Variants in DNAJC13 observed in about 807,000 individuals in gnomAD.
The protein encoded by DNAJC13 is dnaJ homolog subfamily C member 13.
A neutral mutation model predicts 290.5 loss-of-function variants in DNAJC13; 75 were observed. That is an observed-to-expected ratio of 0.26 (90% CI 0.21 to 0.31). DNAJC13 has a LOEUF of 0.31. Among genes scored for constraint, DNAJC13 ranks in the 10% least tolerant of loss-of-function variants. DNAJC13 has a pLI of 1.00. For missense variants in DNAJC13, 2,260 were observed against 2,674.5 expected, an observed-to-expected ratio of 0.85 and a Z score of 3.42; for synonymous variants, 862 against 892.0, an observed-to-expected ratio of 0.97 and a Z score of 0.60.
intron 55 of DNAJC13, among the ~76,000 whole-genome samples, chr3:132,532,638 G>A (rs1385745486): frequency 6.6e-6 from 1 of 151,836 alleles, no homozygotes; most frequent in African/African-American, 2.4e-5. Context: ...TACCTCTTTA[G>A]CCTATGTCCA....
At chr3:132,467,029 A>T in intron 19 of DNAJC13, 141 bp from the exon 20 acceptor site, 1 of 926,130 alleles carries the variant, frequency 1.1e-6, no homozygotes, top group Non-Finnish European at 1.5e-6. Context: ...GTATAATTGT[A>T]GAAGTTTTCA....
chr3:132,502,585 A>T (rs1935453974), intron 40 of DNAJC13, 117 bp downstream of exon 40: 1 of 1,004,000 alleles, frequency 1.0e-6, no homozygotes, highest in Admixed American at 3.3e-5. Flanking sequence ...TTTCAGGAAA[A>T]TTAGGTTTTT....
rs777065726 is a variant in DNAJC13, at chr3:132,499,328, TTG to T, written c.4341+21_4341+22del. ...GACTAGAGGTAATACGGAGTGACCT[TTG>T]TGCTTTTTAAGCCAGTTTACACACA... On this transcript the variant is annotated intron_variant, in intron 37 of 55. Transcript: ENST00000260818. 1 of 1,559,394 alleles carries T rather than the reference TTG, an allele frequency of 6.4e-7. No homozygotes were observed. Among genetic ancestry groups the T allele is most frequent in the Non-Finnish European group, 8.7e-7 (1 of 1,150,910 alleles).
At chr3:132,427,075 ATGTGTG>A (rs10576541) in intron 1 of DNAJC13, among the ~76,000 whole-genome samples, 16,810 of 140,714 alleles carry the variant, frequency 0.12, 1,053 homozygotes, top group South Asian at 0.19. Flanking sequence ...ATATATACAT[ATGTGTG>A]TGTGTGTGTG....
chr3:132,507,223 C>T lies in DNAJC13; in HGVS notation c.4999-14C>T. 6.6e-7 allele frequency: 1 copy of T among 1,508,960 alleles called. No individual in the cohort carries two copies. The highest frequency in any genetic ancestry group is 9.2e-7 in the Non-Finnish European group (1 of 1,088,942). 93.5% of individuals were successfully genotyped at this position (1,508,960 alleles called of 1,614,324 possible). A position where few individuals can be genotyped will look rare whatever the true frequency, so the allele number is the denominator to read the frequency against. On this transcript the variant is annotated splice_polypyrimidine_tract_variant and intron_variant, in intron 42 of 55. Coordinates refer to ENST00000260818, the MANE Select transcript of DNAJC13 (RefSeq NM_015268.4). ...ATTTACATCTAACAGTCTATTTTTTCATCTTTTAAAAAGGGTGATTGTGAC... is the reference window on the plus strand; with the variant it reads ...ATTTACATCTAACAGTCTATTTTTTTATCTTTTAAAAAGGGTGATTGTGAC...
intron 43 of DNAJC13, among the ~76,000 whole-genome samples, chr3:132,509,375 C>T (rs902842963): frequency 6.6e-6 from 1 of 152,172 alleles, no homozygotes; most frequent in South Asian, 2.1e-4. Context: ...TTGCTGCAAT[C>T]TCATTATAAA....
chr3:132,507,246 G>A lies in DNAJC13; in HGVS notation c.5008G>A (p.Asp1670Asn). 1 of 1,607,638 alleles carries A rather than the reference G, an allele frequency of 6.2e-7. No individual in the cohort carries two copies. The change falls in exon 43 of 56, where the codon GAC (aspartate) becomes AAC (asparagine). Residue 1670 changes from aspartate to asparagine, a missense_variant. By Grantham distance (23) the Asp-to-Asn change is conservative. Coordinates refer to ENST00000260818, the MANE Select transcript of DNAJC13 (RefSeq NM_015268.4). ...QENMIKKGDC[D>N]KTYGSEFVYS... ...TTCATCTTTTAAAAAGGGTGATTGT[G>A]ACAAAACTTATGGATCAGAATTTGT...
chr3:132,486,744 A>C (rs942433230), intron 29 of DNAJC13, among the ~76,000 whole-genome samples: 1 of 152,160 alleles, frequency 6.6e-6, no homozygotes, highest in South Asian at 2.1e-4. Flanking sequence ...GGAAAGGGAT[A>C]TCTGTACTTC....
chr3:132,478,122 C>T lies in DNAJC13; in HGVS notation c.2691C>T (p.Ile897=), dbSNP rs1576486412. 6.2e-7 allele frequency: 1 copy of T among 1,610,408 alleles called. No homozygotes were observed. The highest frequency in any genetic ancestry group is 8.5e-7 in the Non-Finnish European group (1 of 1,178,874). Residue 897 remains isoleucine (I), a synonymous_variant, in exon 24 of 56, where the codon ATC becomes ATT. Transcript: ENST00000260818. ...EIGPFTDTRY[I]IGMLERCTDK... ...GACCTTTTACAGATACCAGATATATCATTGGAATGTTAGAGAGGGTAAGGA... is the reference window on the plus strand; with the variant it reads ...GACCTTTTACAGATACCAGATATATTATTGGAATGTTAGAGAGGGTAAGGA...
In DNAJC13 at chr3:132,453,380, G is replaced by A. The variant is rs1933482075; in HGVS notation, c.620G>A (p.Arg207Gln). 1 of 1,613,728 alleles carries A rather than the reference G, an allele frequency of 6.2e-7. No homozygotes were observed. Among genetic ancestry groups the A allele is most frequent in the African/African-American group, 1.3e-5 (1 of 74,886 alleles). The stretch of plus-strand genomic sequence containing the variant: ...GGTAACTACATAGGTATTTCATTGC[G>A]GATCAGGAAAGAGCCTTTAGAATTC... ...HAGNYIGISL[R>Q]IRKEPLEFEQ... The change falls in exon 7 of 56, where the codon CGG becomes CAG. Residue 207 changes from arginine to glutamine, a missense_variant. Around this residue, in one of 3 missense-constraint regions of DNAJC13, gnomAD observed 762 missense variants for 964.1 expected, o/e 0.79. Coordinates refer to ENST00000260818, the MANE Select transcript of DNAJC13 (RefSeq NM_015268.4).
intron 1 of DNAJC13, among the ~76,000 whole-genome samples, chr3:132,420,862 A>G (rs1400282352): frequency 2.0e-5 from 3 of 152,110 alleles, no homozygotes; most frequent in African/African-American, 7.2e-5. Context: ...AATTACCTCA[A>G]TCTCTACTCC....
intron 55 of DNAJC13, among the ~76,000 whole-genome samples, chr3:132,533,399 G>A (rs1247919891): frequency 7.3e-6 from 1 of 137,306 alleles, no homozygotes; most frequent in Non-Finnish European, 1.5e-5. Flanking sequence ...ACTACAGCAT[G>A]AGCTCAGCTC....
intron 5 of DNAJC13, among the ~76,000 whole-genome samples, chr3:132,448,748 T>C (rs1394764117): frequency 6.6e-6 from 1 of 152,112 alleles, no homozygotes. Flanking sequence ...ATTCTGCTAC[T>C]TTTTTTAGCA....
chr3:132,423,973 G>C (rs1939028012), intron 1 of DNAJC13, among the ~76,000 whole-genome samples: 1 of 152,146 alleles, frequency 6.6e-6, no homozygotes, highest in Admixed American at 6.5e-5. Flanking sequence ...GCCTTAATAA[G>C]CTGATAAGCT....
intron 2 of DNAJC13, among the ~76,000 whole-genome samples, chr3:132,438,154 T>TC (rs1383478463): frequency 1.3e-5 from 2 of 152,150 alleles, no homozygotes; most frequent in East Asian, 3.9e-4. Context: ...GTCTTCTGAT[T>TC]CATGAACATG....
chr3:132,513,500 A>G (rs1228688081), intron 45 of DNAJC13, among the ~76,000 whole-genome samples: 1 of 152,112 alleles, frequency 6.6e-6, no homozygotes, highest in Non-Finnish European at 1.5e-5. Context: ...GTGGGTTTGC[A>G]TTTCAGAGGA....
rs765818290 is a variant in DNAJC13, at chr3:132,492,464, G to A, written c.3674G>A (p.Arg1225His). 4 of 1,613,552 alleles carry A rather than the reference G, an allele frequency of 2.5e-6. No homozygotes were observed. Among genetic ancestry groups the A allele is most frequent in the East Asian group, 2.2e-5 (1 of 44,874 alleles). Residue 1225 changes from arginine to histidine, a missense_variant, in exon 33 of 56, where the codon CGT becomes CAT. Around this residue, in one of 3 missense-constraint regions of DNAJC13, gnomAD observed 1,494 missense variants for 1,693.7 expected, o/e 0.88. Coordinates refer to ENST00000260818, the MANE Select transcript of DNAJC13 (RefSeq NM_015268.4). ...IAAHLADFTP[R>H]LQSNTRALYQ... ...GCCCATCTCGCGGATTTCACACCTC[G>A]TCTTCAGAGTAACACAAGAGCACTT...
At chr3:132,505,724 A>G (rs1318417030) in intron 42 of DNAJC13, among the ~76,000 whole-genome samples, 1 of 152,208 alleles carries the variant, frequency 6.6e-6, no homozygotes, top group Non-Finnish European at 1.5e-5. Flanking sequence ...GGTGCTTTCC[A>G]GTATCAAGAC....
chr3:132,442,105 AT>A (rs373864299), intron 2 of DNAJC13, among the ~76,000 whole-genome samples: 5 of 151,570 alleles, frequency 3.3e-5, no homozygotes, highest in Non-Finnish European at 5.9e-5. Flanking sequence ...GTAAAAAAAA[AT>A]CATGCTATAA....
Sources: gnomAD v4.1 joint callset for allele counts (sites outside exome capture counted in the v4.1 genomes callset) on GRCh38, gnomAD v4.1.1 for gene constraint, gnomAD v4.1.1 regional missense constraint, MANE v1.5 for transcripts, NCBI Gene and HGNC (gene_info 2026-07-23, HGNC 2026-07-21) for gene names.